OTOGL: variants seen among roughly 807,000 people sequenced by gnomAD.
OTOGL encodes otogelin-like protein.
OTOGL carries 285 observed loss-of-function variants against 318.5 expected under a neutral mutation model. That is an observed-to-expected ratio of 0.89 (90% CI 0.81 to 0.99). The LOEUF is 0.99. Among genes scored for constraint, OTOGL ranks in the 50% least tolerant of loss-of-function variants. The pLI is 0.00. For synonymous variants in OTOGL, 987 were observed against 936.5 expected (o/e 1.05, Z -0.99); for missense variants, 2,899 against 2,845.6 (o/e 1.02, Z -0.43).
chr12:80,265,459 G>T, intron 20 of OTOGL: 1 of 488,482 alleles, frequency 2.0e-6, no homozygotes, highest in East Asian at 3.6e-5. Context: ...TTTGAAATAC[G>T]CAACAGAAAT....
At chr12:80,256,232 C>T (rs2137521485) in intron 16 of OTOGL, 105 bp from the exon 17 acceptor site, 9 of 1,268,350 alleles carry the variant, frequency 7.1e-6, no homozygotes, top group Non-Finnish European at 7.4e-6. Flanking sequence ...GTTCTCTCCT[C>T]TCTCTTTCTC....
chr12:80,232,760 C>G, intron 8 of OTOGL, 132 bp from the exon 9 acceptor site: 1 of 840,546 alleles, frequency 1.2e-6, no homozygotes, highest in Non-Finnish European at 1.8e-6. Context: ...CTTTGGAGCT[C>G]TTGCTGCACA....
At chr12:80,343,289 C>A (rs1280186537) in intron 44 of OTOGL, among the ~76,000 whole-genome samples, 1 of 151,986 alleles carries the variant, frequency 6.6e-6, no homozygotes, top group Non-Finnish European at 1.5e-5. Context: ...AGGTTAGTTC[C>A]AGGACCTTCA....
At position 80,256,339 on chromosome 12, in the gene OTOGL, T is replaced by C. The variant is rs763537697; in HGVS notation, c.1590T>C (p.Asn530=). 6.3e-7 allele frequency: 1 copy of C among 1,595,524 alleles called. No individual in the cohort carries two copies. The highest frequency in any genetic ancestry group is 8.5e-7 in the Non-Finnish European group (1 of 1,176,906). ...ITLQKAPCEQ[N]LGLVCLQSIT... ...TTGATAATTTGATTTTTACGCAGAA[T>C]CTTGGCTTGGTCTGCCTTCAGTCTA... The change falls in exon 17 of 59, where the codon AAT becomes AAC. Residue 530 remains asparagine, a splice_region_variant and synonymous_variant. Transcript: ENST00000547103.
intron 38 of OTOGL, among the ~76,000 whole-genome samples, chr12:80,335,510 T>C (rs1888334158): frequency 6.6e-6 from 1 of 152,106 alleles, no homozygotes; most frequent in South Asian, 2.1e-4. Context: ...GATTATACAC[T>C]CTAGGTGCTG....
chr12:80,312,529 A>AT (rs1230573295), intron 30 of OTOGL, among the ~76,000 whole-genome samples: 4 of 152,264 alleles, frequency 2.6e-5, no homozygotes, highest in East Asian at 1.9e-4. Flanking sequence ...GATCTCAGTG[A>AT]TTTTTTAAGA....
Position 80,219,891 on chromosome 12 carries a change from C to A in OTOGL, c.313C>A (p.Leu105Ile). The change falls in exon 6 of 59, where the codon CTT (leucine) becomes ATT (isoleucine). Residue 105 changes from leucine to isoleucine, a missense_variant. Coordinates refer to ENST00000547103, the MANE Select transcript of OTOGL (RefSeq NM_001378609.3). ...GTCDCQIFQA[L>I]GTRCQIIPNM... is the part of the protein sequence containing the mutation. ...ATGTGACTGTCAAATATTTCAGGCT[C>A]TTGGGACAAGATGCCAGATCAGTAA... The A allele has an allele frequency of 6.3e-7, 1 of 1,582,498 alleles. No homozygotes were observed. The highest frequency in any genetic ancestry group is 1.7e-4 in the Middle Eastern group (1 of 6,028).
intron 1 of OTOGL, among the ~76,000 whole-genome samples, chr12:80,161,123 C>T (rs1052520902): frequency 3.5e-4 from 53 of 151,830 alleles, no homozygotes; most frequent in African/African-American, 1.2e-3. Flanking sequence ...CTACAAATTG[C>T]GTTCAGGGTA....
chr12:80,305,581 G>A lies in OTOGL; in HGVS notation c.3219G>A (p.Lys1073=). The A allele has an allele frequency of 3.9e-6, 6 of 1,550,906 alleles. No homozygotes were observed. The highest frequency in any genetic ancestry group is 5.2e-6 in the Non-Finnish European group (6 of 1,160,838). The change falls in exon 29 of 59, where the codon AAG becomes AAA. Residue 1073 remains lysine (K), a synonymous_variant. Transcript: ENST00000547103. ...HIKVGPQWKN[K]LSGLCGNFDK... is the part of the protein sequence containing the mutation. ...GTGATTTTCTCTTACTTTAGAACAA[G>A]CTATCAGGATTGTGTGGAAACTTTG...
chr12:80,286,003 T>C (rs1166381492), intron 26 of OTOGL, among the ~76,000 whole-genome samples: 1 of 152,210 alleles, frequency 6.6e-6, no homozygotes, highest in Non-Finnish European at 1.5e-5. Flanking sequence ...ATATTGGCTA[T>C]GGGTTTGTCA....
intron 1 of OTOGL, among the ~76,000 whole-genome samples, chr12:80,177,541 T>C (rs973083451): frequency 1.3e-5 from 2 of 152,216 alleles, no homozygotes; most frequent in African/African-American, 4.8e-5. Context: ...GAAATCAAGA[T>C]TGCAAATCTT....
intron 4 of OTOGL, among the ~76,000 whole-genome samples, chr12:80,216,492 A>G (rs960334148): frequency 6.6e-6 from 1 of 152,224 alleles, no homozygotes; most frequent in African/African-American, 2.4e-5. Context: ...AGTAAGCCAC[A>G]ACTATTTGCT....
chr12:80,215,112 T>G (rs976473050), intron 4 of OTOGL, among the ~76,000 whole-genome samples: 2 of 151,822 alleles, frequency 1.3e-5, no homozygotes, highest in African/African-American at 4.8e-5. Context: ...GCTTGTGTTA[T>G]CCAATGTTTT....
chr12:80,308,099 AC>A (rs1197987452), intron 29 of OTOGL, among the ~76,000 whole-genome samples: 5 of 113,240 alleles, frequency 4.4e-5, no homozygotes, highest in African/African-American at 1.7e-4. Flanking sequence ...TGGGGGGCTG[AC>A]CCCCCCACCT....
intron 1 of OTOGL, among the ~76,000 whole-genome samples, chr12:80,114,416 T>C (rs1051734742): frequency 5.5e-4 from 84 of 152,330 alleles, no homozygotes; most frequent in African/African-American, 1.9e-3. Context: ...AAAATTCTTT[T>C]CTTTAAGAAC....
intron 26 of OTOGL, among the ~76,000 whole-genome samples, chr12:80,290,063 C>T (rs1395563839): frequency 6.6e-6 from 1 of 152,164 alleles, no homozygotes; most frequent in Admixed American, 6.5e-5. Flanking sequence ...TTGTGGGTTG[C>T]AAAAACCATG....
intron 11 of OTOGL, 38 bp downstream of exon 11, chr12:80,239,477 T>TTA (rs755114861): frequency 6.9e-7 from 1 of 1,440,074 alleles, no homozygotes; most frequent in Non-Finnish European, 9.4e-7. Context: ...AAAATTTTCT[T>TTA]TATGCAAAAA....
intron 52 of OTOGL, 142 bp downstream of exon 52, chr12:80,359,042 C>T (rs1296594131): frequency 1.4e-6 from 1 of 695,460 alleles, no homozygotes; most frequent in South Asian, 2.1e-5. Flanking sequence ...AAATAATGTG[C>T]TCTGATATTA....
In OTOGL at chr12:80,257,927, A is replaced by T; in HGVS notation, c.1814A>T (p.Gln605Leu). The part of the protein sequence containing the change: ...FAIDGERIYI[Q>L]LTSAWKRRTL... Reference sequence around the variant, plus strand: ...ATAGATGGGGAAAGAATTTATATTCAGCTTACTAGCGCATGGAAAAGAAGA... The same window carrying T: ...ATAGATGGGGAAAGAATTTATATTCTGCTTACTAGCGCATGGAAAAGAAGA... Residue 605 changes from glutamine to leucine, a missense_variant, in exon 18 of 59, where the codon CAG (glutamine) becomes CTG (leucine). Physicochemically the swap from Gln to Leu is moderately radical, Grantham distance 113 (BLOSUM62 -2). Coordinates refer to ENST00000547103, the MANE Select transcript of OTOGL (RefSeq NM_001378609.3). The T allele has an allele frequency of 6.3e-7, 1 of 1,598,330 alleles. No homozygotes were observed. Among genetic ancestry groups the T allele is most frequent in the South Asian group, 1.1e-5 (1 of 90,972 alleles).
Sources: gnomAD v4.1 joint callset for allele counts (sites outside exome capture counted in the v4.1 genomes callset) on GRCh38, gnomAD v4.1.1 for gene constraint, MANE v1.5 for transcripts, NCBI Gene and HGNC (gene_info 2026-07-23, HGNC 2026-07-21) for gene names.